The following KHDRBS2 variants were observed in gnomAD, a reference collection of about 807,000 sequenced individuals.
The protein encoded by KHDRBS2 is KH RNA binding domain containing, signal transduction associated 2.
KHDRBS2 carries 26 observed loss-of-function variants against 44.3 expected under a neutral mutation model. The observed-to-expected ratio is 0.59, with a 90% CI of 0.43 to 0.81. The LOEUF (loss-of-function observed/expected upper bound fraction) is 0.81, where lower values mean the gene tolerates loss of function less well. Among genes scored for constraint, KHDRBS2 ranks in the 40% least tolerant of loss-of-function variants. KHDRBS2 has a pLI of 0.00. For synonymous variants in KHDRBS2, 194 were observed against 151.1 expected, an observed-to-expected ratio of 1.28 and a Z score of -2.08; for missense variants, 476 against 433.1, an observed-to-expected ratio of 1.10 and a Z score of -0.88.
intron 4 of KHDRBS2, among the ~76,000 whole-genome samples, chr6:61,911,143 T>A (rs1485707020): frequency 6.6e-6 from 1 of 152,156 alleles, no homozygotes; most frequent in Non-Finnish European, 1.5e-5. Context: ...AGGATATAGG[T>A]CCCGTGGGTG....
chr6:62,108,173 G>C (rs1047882826), intron 2 of KHDRBS2, among the ~76,000 whole-genome samples: 1 of 152,080 alleles, frequency 6.6e-6, no homozygotes, highest in African/African-American at 2.4e-5. Flanking sequence ...CAAAATGGGA[G>C]AAAATTTTCG....
At chr6:62,065,862 T>G (rs1482204220) in intron 2 of KHDRBS2, among the ~76,000 whole-genome samples, 1 of 151,866 alleles carries the variant, frequency 6.6e-6, no homozygotes, top group Non-Finnish European at 1.5e-5. Context: ...TCAACATGAA[T>G]TTTAATAATG....
At chr6:61,908,362 T>C (rs1164994200) in intron 4 of KHDRBS2, among the ~76,000 whole-genome samples, 1 of 152,062 alleles carries the variant, frequency 6.6e-6, no homozygotes, top group South Asian at 2.1e-4. Flanking sequence ...AGGCTGGGCG[T>C]GGTGGCTCAT....
chr6:61,760,645 G>GA (rs1044204853), intron 6 of KHDRBS2, among the ~76,000 whole-genome samples: 2 of 146,952 alleles, frequency 1.4e-5, no homozygotes, highest in African/African-American at 2.5e-5. Flanking sequence ...CAGAAAAAAG[G>GA]AAAAAAAGAA....
intron 1 of KHDRBS2, among the ~76,000 whole-genome samples, chr6:62,239,125 T>C (rs1369987164): frequency 6.6e-6 from 1 of 152,210 alleles, no homozygotes; most frequent in Non-Finnish European, 1.5e-5. Flanking sequence ...ATTGAATCAA[T>C]GTTGAATTTC....
chr6:61,702,183 A>T (rs1337267208), intron 7 of KHDRBS2, among the ~76,000 whole-genome samples: 1 of 151,896 alleles, frequency 6.6e-6, no homozygotes, highest in Non-Finnish European at 1.5e-5. Context: ...TCAGCTCAAG[A>T]CTACATTTTC....
At chr6:62,021,393 T>C (rs1039015221) in intron 3 of KHDRBS2, among the ~76,000 whole-genome samples, 3 of 151,920 alleles carry the variant, frequency 2.0e-5, no homozygotes, top group African/African-American at 7.2e-5. Context: ...CCTGCACATG[T>C]ACCCTTGGAC....
At chr6:61,707,672 T>C (rs1322113026) in intron 7 of KHDRBS2, among the ~76,000 whole-genome samples, 1 of 151,660 alleles carries the variant, frequency 6.6e-6, no homozygotes, top group Non-Finnish European at 1.5e-5. Flanking sequence ...CGGTCATGAT[T>C]AACACTATCA....
intron 6 of KHDRBS2, among the ~76,000 whole-genome samples, chr6:61,888,308 C>G (rs577682808): frequency 6.6e-6 from 1 of 152,244 alleles, no homozygotes; most frequent in East Asian, 1.9e-4. Flanking sequence ...GTGCTAGACA[C>G]CTGACAACCC....
chr6:62,101,276 T>C (rs1001237830), intron 2 of KHDRBS2, among the ~76,000 whole-genome samples: 4 of 152,116 alleles, frequency 2.6e-5, no homozygotes, highest in Admixed American at 1.3e-4. Flanking sequence ...TATTACAAGA[T>C]ATCAACATCC....
chr6:61,796,876 C>T (rs546240082), intron 6 of KHDRBS2, among the ~76,000 whole-genome samples: 9 of 152,032 alleles, frequency 5.9e-5, no homozygotes, highest in African/African-American at 2.2e-4. Flanking sequence ...TGAAGACTGC[C>T]CAGTAACTAA....
intron 1 of KHDRBS2, among the ~76,000 whole-genome samples, chr6:62,239,526 T>C (rs1834242425): frequency 6.6e-6 from 1 of 151,768 alleles, no homozygotes; most frequent in Non-Finnish European, 1.5e-5. Context: ...TGAGCCAAGA[T>C]CACGCTGCTG....
In KHDRBS2 at chr6:62,027,430, T is replaced by C. The variant is rs1225484340; in HGVS notation, c.336+20448A>G. Among the ~76,000 whole-genome samples, 11 of 152,092 alleles carry C rather than the reference T, an allele frequency of 7.2e-5. No homozygotes were observed. In the East Asian group the frequency reaches 1.7e-3, roughly 24 times the overall value. On this transcript the variant is annotated intron_variant, in intron 3 of 8. Coordinates refer to ENST00000281156, the MANE Select transcript of KHDRBS2 (RefSeq NM_152688.4). Reference sequence around the variant, plus strand: ...CTTAGAAACCTCAGAATTTTTTAAGTGGTAAAAGCAATAAAGGTGAAAGGA... The same window carrying C: ...CTTAGAAACCTCAGAATTTTTTAAGCGGTAAAAGCAATAAAGGTGAAAGGA...
chr6:61,845,727 A>T (rs1257339380), intron 6 of KHDRBS2, among the ~76,000 whole-genome samples: 1 of 152,244 alleles, frequency 6.6e-6, no homozygotes, highest in Admixed American at 6.5e-5. Context: ...GAACGTGGAG[A>T]GAATAAATCT....
At chr6:61,584,942 T>C in the KHDRBS2 span, among the ~76,000 whole-genome samples, 1 of 152,004 alleles carries the variant, frequency 6.6e-6, no homozygotes, top group Non-Finnish European at 1.5e-5. Context: ...AATTTTCTTT[T>C]TCATATTGAC....
chr6:61,802,133 C>A (rs1175002847), intron 6 of KHDRBS2, among the ~76,000 whole-genome samples: 1 of 152,070 alleles, frequency 6.6e-6, no homozygotes. Flanking sequence ...GCCTTAGAAT[C>A]AACTGAACTA....
intron 7 of KHDRBS2, among the ~76,000 whole-genome samples, chr6:61,706,903 G>T (rs1292371996): frequency 2.0e-5 from 3 of 151,116 alleles, no homozygotes; most frequent in Non-Finnish European, 4.4e-5. Context: ...CCCTCATGGA[G>T]TTCACAAGTA....
intron 4 of KHDRBS2, among the ~76,000 whole-genome samples, chr6:61,965,649 A>G (rs1769759104): frequency 6.6e-6 from 1 of 151,852 alleles, no homozygotes; most frequent in Admixed American, 6.6e-5. Context: ...ATAATATTGT[A>G]CAGTTATTTT....
the KHDRBS2 span, among the ~76,000 whole-genome samples, chr6:61,548,855 T>G: frequency 1.3e-5 from 2 of 152,096 alleles, no homozygotes; most frequent in African/African-American, 4.8e-5. Context: ...CCAGGGTATG[T>G]TGGAGTTGGC....
Sources: allele counts gnomAD v4.1 joint callset (sites outside exome capture counted in the v4.1 genomes callset), GRCh38; gene constraint gnomAD v4.1.1; transcripts MANE v1.5; gene names NCBI Gene and HGNC (gene_info 2026-07-23, HGNC 2026-07-21).